Variants in HPRT1 observed in about 807,000 individuals in gnomAD.
The protein encoded by HPRT1 is hypoxanthine phosphoribosyltransferase 1.
A neutral mutation model predicts 19.0 loss-of-function variants in HPRT1; 4 were observed. The ratio of observed to expected loss-of-function variants is 0.21; its 90% confidence interval spans 0.10 to 0.48. The LOEUF (loss-of-function observed/expected upper bound fraction) is 0.48. Ranked by LOEUF, HPRT1 falls within the 20% of genes least tolerant of loss-of-function variation. The pLI, the probability that HPRT1 is intolerant of heterozygous loss-of-function variation, is 0.98. For synonymous variants in HPRT1, 53 were observed against 54.9 expected, an observed-to-expected ratio of 0.97 and a Z score of 0.15; for missense variants, 65 against 164.0, an observed-to-expected ratio of 0.40 and a Z score of 3.30.
rs754215973 is a variant in HPRT1, at chrX:134,470,646, G to C, written c.28-2713G>C. 5.4e-5 allele frequency among the ~76,000 whole-genome samples: 6 copies of C among 111,499 alleles called. No individual in the cohort carries two copies. The South Asian group carries it at 1.9e-3, about 34-fold the overall frequency. On this transcript the variant is annotated intron_variant, in intron 1 of 8. Transcript: ENST00000298556. ...TTGAAAGGTAATTTAGTATTGAATA[G>C]CATGTGAGCTAGAGTATTTCATTCT...
intron 3 of HPRT1, among the ~76,000 whole-genome samples, chrX:134,480,579 G>T (rs2077636560): frequency 9.6e-6 from 1 of 103,973 alleles, no homozygotes; most frequent in African/African-American, 3.5e-5. Context: ...AAGTATCTGA[G>T]ACTACAAGTG....
intron 1 of HPRT1, among the ~76,000 whole-genome samples, chrX:134,462,071 G>A (rs2077585632): frequency 9.0e-6 from 1 of 111,525 alleles, no homozygotes; most frequent in Admixed American, 9.5e-5. Flanking sequence ...CCCGGGCTCG[G>A]GTGATTCTCC....
At chrX:134,470,362 A>G (rs2077607502) in intron 1 of HPRT1, among the ~76,000 whole-genome samples, 3 of 112,089 alleles carry the variant, frequency 2.7e-5, no homozygotes, top group African/African-American at 9.7e-5. Context: ...GGACTGAAAG[A>G]CAGCACAAAC....
intron 3 of HPRT1, among the ~76,000 whole-genome samples, chrX:134,476,955 A>G (rs1433975110): frequency 9.1e-6 from 1 of 110,207 alleles, no homozygotes; most frequent in African/African-American, 3.3e-5. Context: ...CACATAGAAA[A>G]CAGTTTATTT....
intron 1 of HPRT1, among the ~76,000 whole-genome samples, chrX:134,466,067 A>G (rs1406848170): frequency 3.7e-5 from 4 of 109,171 alleles, no homozygotes; most frequent in Non-Finnish European, 5.7e-5. Flanking sequence ...GAAGGTAATT[A>G]CAGTTAGAAG....
rs1349513650 is a variant in HPRT1 at position 134,460,357 on chromosome X, C to T, written c.27+19C>T. ...CGTCGTGGTGAGCAGCTCGGCCTGC[C>T]GGCCCTGGCCGGTTCAGGCCCACGC... On this transcript the variant is annotated intron_variant, in intron 1 of 8. Coordinates refer to ENST00000298556, the MANE Select transcript of HPRT1 (RefSeq NM_000194.3). 2.7e-6 allele frequency: 3 copies of T among 1,100,597 alleles called. No homozygotes were observed. 90.7% of individuals were successfully genotyped at this position (1,100,597 alleles called of 1,213,427 possible).
intron 3 of HPRT1, among the ~76,000 whole-genome samples, chrX:134,481,292 TAA>T (rs1292745081): frequency 2.7e-5 from 3 of 111,889 alleles, no homozygotes; most frequent in Non-Finnish European, 5.6e-5. Context: ...AGTAGTTTCT[TAA>T]AGTGTCTCAT....
chrX:134,460,200 C>G lies in HPRT1; in HGVS notation c.-112C>G. The G allele has an allele frequency of 1.2e-6, 1 of 861,894 alleles. No individual in the cohort carries two copies. The highest frequency in any genetic ancestry group is 1.6e-6 in the Non-Finnish European group (1 of 625,306). 71.0% of individuals were successfully genotyped at this position (861,894 alleles called of 1,213,427 possible). A position where few individuals can be genotyped will look rare whatever the true frequency, so the allele number is the denominator to read the frequency against. On this transcript the variant is annotated 5_prime_UTR_variant, in exon 1 of 9. Transcript: ENST00000298556. ...GGCTGCGACGAGCCCTCAGGCGAAC[C>G]TCTCGGCTTTCCCGCGCGGCGCCGC...
rs1410110447 is a variant in HPRT1, at chrX:134,497,119, G to A, written c.486-1271G>A. 7.2e-5 allele frequency among the ~76,000 whole-genome samples: 8 copies of A among 111,634 alleles called. No homozygotes were observed. In the East Asian group the frequency reaches 2.2e-3, roughly 31 times the overall value. ...CCAAAAATAAATACTGGTTCTTTTG[G>A]CACACTAGTTGTTTTACCCTAAAGT... On this transcript the variant is annotated intron_variant, in intron 6 of 8. Coordinates refer to ENST00000298556, the MANE Select transcript of HPRT1 (RefSeq NM_000194.3).
chrX:134,481,695 A>G (rs1354933743), intron 3 of HPRT1, among the ~76,000 whole-genome samples: 1 of 111,885 alleles, frequency 8.9e-6, no homozygotes, highest in East Asian at 2.8e-4. Flanking sequence ...TCAAAAGTAT[A>G]CTTTCTAGTT....
chrX:134,493,698 G>C (rs2077673576), intron 6 of HPRT1, 108 bp downstream of exon 6: 2 of 567,819 alleles, frequency 3.5e-6, no homozygotes, highest in Non-Finnish European at 6.3e-6. Context: ...TCTTCGAAAA[G>C]TAATGTAATC....
rs1196500442 is a variant in HPRT1 at position 134,498,397 on chromosome X, G to A, written c.493G>A (p.Val165Met). The A allele has an allele frequency of 8.3e-7, 1 of 1,203,750 alleles. No individual in the cohort carries two copies. The highest frequency in any genetic ancestry group is 2.2e-5 in the Admixed American group (1 of 46,040). Residue 165 changes from valine (V) to methionine (M), a missense_variant, in exon 7 of 9, where the codon GTG (valine) becomes ATG (methionine). Val to Met is a conservative substitution (Grantham distance 21). Transcript: ENST00000298556. ...ACATTTTGTAATTAACAGCTTGCTG[G>A]TGAAAAGGACCCCACGAAGTGTTGG... Reference protein sequence around the residue: ...PKMVKVASLLVKRTPRSVGYK... With the variant: ...PKMVKVASLLMKRTPRSVGYK...
chrX:134,462,588 G>A (rs1241145571), intron 1 of HPRT1, among the ~76,000 whole-genome samples: 1 of 112,196 alleles, frequency 8.9e-6, no homozygotes, highest in East Asian at 2.8e-4. Flanking sequence ...AAAGTGCTGG[G>A]ATTACAGGCA....
chrX:134,490,810 A>G (rs1389033874), intron 5 of HPRT1, among the ~76,000 whole-genome samples: 1 of 109,096 alleles, frequency 9.2e-6, no homozygotes, highest in Non-Finnish European at 1.9e-5. Flanking sequence ...CAAGTTTCCG[A>G]GTGATTCTGA....
chrX:134,474,370 T>G (rs2077618037), intron 2 of HPRT1, among the ~76,000 whole-genome samples: 1 of 111,260 alleles, frequency 9.0e-6, no homozygotes. Flanking sequence ...GTTGAATCAT[T>G]TTATACTCCT....
intron 6 of HPRT1, among the ~76,000 whole-genome samples, chrX:134,496,251 T>C (rs902036357): frequency 8.9e-6 from 1 of 112,094 alleles, no homozygotes; most frequent in African/African-American, 3.3e-5. Flanking sequence ...TACTGTCCTT[T>C]TTATTGTAGC....
chrX:134,477,433 A>AT (rs1465553634), intron 3 of HPRT1, among the ~76,000 whole-genome samples: 14 of 111,152 alleles, frequency 1.3e-4, no homozygotes, highest in African/African-American at 3.6e-4. Context: ...TGTTTTAACT[A>AT]TACAATTCCA....
chrX:134,476,308 GTAT>G (rs2077625136), intron 3 of HPRT1, among the ~76,000 whole-genome samples: 1 of 112,083 alleles, frequency 8.9e-6, no homozygotes, highest in Non-Finnish European at 1.9e-5. Flanking sequence ...AGCCATTTAA[GTAT>G]TATTATAGAC....
chrX:134,497,166 TA>T, intron 6 of HPRT1, among the ~76,000 whole-genome samples: 1 of 111,660 alleles, frequency 9.0e-6, no homozygotes, highest in East Asian at 2.8e-4. Flanking sequence ...AGCCAGTTAT[TA>T]AAAGTTGTGA....
Sources: gnomAD v4.1 joint callset for allele counts (sites outside exome capture counted in the v4.1 genomes callset) on GRCh38, gnomAD v4.1.1 for gene constraint, MANE v1.5 for transcripts, NCBI Gene and HGNC (gene_info 2026-07-23, HGNC 2026-07-21) for gene names.